OAS3: variants seen among roughly 807,000 people sequenced by gnomAD.
OAS3 encodes the protein 2'-5'-oligoadenylate synthetase 3.
In OAS3, 107 loss-of-function variants were observed where a neutral mutation model predicts 113.0. That is an observed-to-expected ratio of 0.95 (90% CI 0.81 to 1.11). The LOEUF (loss-of-function observed/expected upper bound fraction) is 1.11. Ranked by LOEUF, OAS3 falls within the 50% of genes most tolerant of loss-of-function variation. OAS3 has a pLI of 0.00. For synonymous variants in OAS3, 552 were observed against 573.6 expected, an observed-to-expected ratio of 0.96 and a Z score of 0.54; for missense variants, 1,258 against 1,389.1, an observed-to-expected ratio of 0.91 and a Z score of 1.50.
chr12:112,963,486 G>T lies in OAS3; in HGVS notation c.2229+29G>T. ...AGATGGAGGGTCCTGGGGGGCAGGG[G>T]GCCCTGCACCCTGCCTTCTAGTCAG... On this transcript the variant is annotated intron_variant, in intron 10 of 15. Coordinates refer to ENST00000228928, the MANE Select transcript of OAS3 (RefSeq NM_006187.4). The surrounding 1 kb of genome is among the most constrained non-coding windows in gnomAD (Gnocchi z 4.6). 1.4e-6 allele frequency: 2 copies of T among 1,466,724 alleles called. No individual in the cohort carries two copies. Among genetic ancestry groups the T allele is most frequent in the Non-Finnish European group, 1.8e-6 (2 of 1,101,620 alleles). The allele number at this position is 1,466,724 out of a possible 1,614,324, so 90.9% of individuals were successfully genotyped here.
chr12:112,945,181 A>G (rs1014667084), intron 3 of OAS3: 6 of 185,092 alleles, frequency 3.2e-5, no homozygotes, highest in Admixed American at 2.2e-4. Flanking sequence ...GCGTGGTGGT[A>G]CACACCTGTA....
chr12:112,948,122 C>A, intron 5 of OAS3, 23 bp downstream of exon 5: 2 of 1,493,322 alleles, frequency 1.3e-6, no homozygotes, highest in Non-Finnish European at 8.9e-7. Context: ...GCCCCAGGAC[C>A]CTTGGGTTTT....
Position 112,946,868 on chromosome 12 carries a change from T to C in OAS3, c.762T>C (p.Thr254=), listed in dbSNP as rs753962869. The change falls in exon 4 of 16, where the codon ACT becomes ACC. Residue 254 remains threonine, a synonymous_variant. Transcript: ENST00000228928. ...TCAGCCTAGCCGAAGGCCTCCGAAC[T>C]GTCCTGGGCCTGATCCAACAGCATC... ...DAFSLAEGLR[T]VLGLIQQHQH... is the part of the protein sequence containing the mutation. 103 of 1,614,064 alleles carry C rather than the reference T, an allele frequency of 6.4e-5. 2 individuals are homozygous for C. In the South Asian group the frequency reaches 7.1e-4, roughly 11 times the overall value.
intron 2 of OAS3, 73 bp from the exon 3 acceptor site, chr12:112,944,403 G>A (rs1026423751): frequency 3.2e-6 from 5 of 1,550,894 alleles, no homozygotes; most frequent in Non-Finnish European, 4.4e-6. Context: ...CCCAGGCTGA[G>A]CTCGGCACCA....
intron 7 of OAS3, among the ~76,000 whole-genome samples, chr12:112,959,795 CTTAAT>C (rs1188987696): frequency 6.6e-6 from 1 of 152,058 alleles, no homozygotes; most frequent in Non-Finnish European, 1.5e-5. Context: ...GCTGCTTATC[CTTAAT>C]TTTTTAAAAT....
At position 112,948,960 on chromosome 12, in the gene OAS3, C is replaced by A. The variant is rs189345052; in HGVS notation, c.1129C>A (p.Pro377Thr). The A allele has an allele frequency of 8.8e-5, 142 of 1,613,760 alleles. 1 individual carries two copies. In the Admixed American group the frequency reaches 9.5e-4, roughly 11 times the overall value. The change falls in exon 6 of 16, where the codon CCA (proline) becomes ACA (threonine). Residue 377 changes from proline to threonine, a missense_variant. By Grantham distance (38) the Pro-to-Thr change is conservative (BLOSUM62 -1). Coordinates refer to ENST00000228928, the MANE Select transcript of OAS3 (RefSeq NM_006187.4). ...CAGCAAGAGCCTCAATGCTGTGTAC[C>A]CAAGAGCAGGGAGCAAACCTCCCTC... is the stretch of plus-strand genomic sequence containing the variant. ...ENSKSLNAVY[P>T]RAGSKPPSCP...
chr12:112,968,770 C>T (rs1462951465), intron 14 of OAS3, among the ~76,000 whole-genome samples: 2 of 152,202 alleles, frequency 1.3e-5, no homozygotes, highest in Non-Finnish European at 2.9e-5. Context: ...CTGCCTAGGC[C>T]TCCCAAAGTG....
chr12:112,961,921 T>C lies in OAS3; in HGVS notation c.1833+675T>C, dbSNP rs528400844. 4.6e-5 allele frequency among the ~76,000 whole-genome samples: 7 copies of C among 152,162 alleles called. 1 individual carries two copies. Among genetic ancestry groups the C allele is most frequent in the African/African-American group, 1.7e-4 (7 of 41,516 alleles). The stretch of plus-strand genomic sequence containing the variant: ...AGTAGTCCTCCTGCCTCAGCCCCCG[T>C]AGTAGCTAAGACTACAGGCATGCAC... On this transcript the variant is annotated intron_variant, in intron 8 of 15. Coordinates refer to ENST00000228928, the MANE Select transcript of OAS3 (RefSeq NM_006187.4).
chr12:112,967,932 C>G lies in OAS3; in HGVS notation c.2866-4C>G, dbSNP rs377552853. On this transcript the variant is annotated splice_polypyrimidine_tract_variant and splice_region_variant and intron_variant, in intron 13 of 15. Coordinates refer to ENST00000228928, the MANE Select transcript of OAS3 (RefSeq NM_006187.4). ...ACCAACATATCTTTCTTCTCGTTCTCCAGTGTACCAAGATCTCCAAGGGGA... is the reference window on the plus strand; with the variant it reads ...ACCAACATATCTTTCTTCTCGTTCTGCAGTGTACCAAGATCTCCAAGGGGA... 7.4e-6 allele frequency: 12 copies of G among 1,612,354 alleles called. No individual in the cohort carries two copies. The African/African-American group carries it at 1.2e-4, about 16-fold the overall frequency.
Position 112,963,641 on chromosome 12 carries a change from C to T in OAS3, c.2229+184C>T, listed in dbSNP as rs546938133. Among the ~76,000 whole-genome samples the T allele has an allele frequency of 3.9e-5, 6 of 152,302 alleles. No individual in the cohort carries two copies. The East Asian group carries it at 9.6e-4, about 24-fold the overall frequency. ...CAGATTGCTACGTCCCAGCCAGTGC[C>T]TGAGTGACACAGGGTTACAAAAAGC... On this transcript the variant is annotated intron_variant, in intron 10 of 15. Coordinates refer to ENST00000228928, the MANE Select transcript of OAS3 (RefSeq NM_006187.4). This position sits in a 1 kb window ranked among gnomAD's most constrained non-coding sequence, Gnocchi z 4.6.
At position 112,954,547 on chromosome 12, in the gene OAS3, C is replaced by T. The variant is rs1462482889; in HGVS notation, c.1657+3572C>T. Among the ~76,000 whole-genome samples, 9 of 152,202 alleles carry T rather than the reference C, an allele frequency of 5.9e-5. No homozygotes were observed. The highest frequency in any genetic ancestry group is 1.2e-4 in the Non-Finnish European group (8 of 68,028). Reference sequence around the variant, plus strand: ...TCCCGACCTCGTGATCCACCCACCTCGGCCTCCCAAAGTGCTGGGATTACA... The same window carrying T: ...TCCCGACCTCGTGATCCACCCACCTTGGCCTCCCAAAGTGCTGGGATTACA... On this transcript the variant is annotated intron_variant, in intron 7 of 15. Transcript: ENST00000228928. The surrounding 1 kb of genome is among the most constrained non-coding windows in gnomAD (Gnocchi z 4.0).
intron 5 of OAS3, among the ~76,000 whole-genome samples, chr12:112,948,442 G>A (rs1447184385): frequency 2.8e-5 from 4 of 140,824 alleles, no homozygotes; most frequent in Non-Finnish European, 4.5e-5. Flanking sequence ...GGCGGAGGTT[G>A]CAATGAGCTG....
intron 7 of OAS3, among the ~76,000 whole-genome samples, chr12:112,951,717 C>T (rs2043793996): frequency 4.0e-5 from 6 of 151,880 alleles, no homozygotes; most frequent in Admixed American, 3.9e-4. Context: ...TGCTTTCCAT[C>T]CAGGCATGGT....
chr12:112,966,580 C>T (rs191921594), intron 12 of OAS3, among the ~76,000 whole-genome samples: 461 of 152,302 alleles, frequency 3.0e-3, no homozygotes, highest in African/African-American at 0.011. Context: ...GAGAAATTCC[C>T]TTGTATCCGA....
intron 11 of OAS3, among the ~76,000 whole-genome samples, chr12:112,964,620 A>G: frequency 6.6e-6 from 1 of 151,802 alleles, no homozygotes. Context: ...CACCTAACTC[A>G]AAAGACACAA....
chr12:112,939,671 C>T (rs2043662119), intron 1 of OAS3, among the ~76,000 whole-genome samples: 1 of 152,022 alleles, frequency 6.6e-6, no homozygotes. Context: ...GCCCAGGCTC[C>T]GGGTCACTTT....
rs1042104199 is a variant in OAS3, at chr12:112,954,478, G to A, written c.1657+3503G>A. On this transcript the variant is annotated intron_variant, in intron 7 of 15. Coordinates refer to ENST00000228928, the MANE Select transcript of OAS3 (RefSeq NM_006187.4). The surrounding 1 kb of genome is among the most constrained non-coding windows in gnomAD (Gnocchi z 4.0). ...GCTAATTTTTTTGTATTTTTTAGTA[G>A]AGACAGACAGGGTTTCACCATGTTA... is the stretch of plus-strand genomic sequence containing the variant. 2.0e-5 allele frequency among the ~76,000 whole-genome samples: 3 copies of A among 152,082 alleles called. No homozygotes were observed. The highest frequency in any genetic ancestry group is 7.2e-5 in the African/African-American group (3 of 41,422).
At chr12:112,946,547 C>G (rs920201099) in intron 3 of OAS3, among the ~76,000 whole-genome samples, 196 bp from the exon 4 acceptor site, 1 of 152,180 alleles carries the variant, frequency 6.6e-6, no homozygotes, top group Non-Finnish European at 1.5e-5. Flanking sequence ...ACCACTCCCC[C>G]ATCATATGAG....
chr12:112,944,857 C>T (rs1454883136), intron 3 of OAS3: 4 of 595,534 alleles, frequency 6.7e-6, no homozygotes, highest in East Asian at 2.9e-5. Context: ...GGATACTGAT[C>T]CTTATTTAGT....
Sources: allele counts gnomAD v4.1 joint callset (sites outside exome capture counted in the v4.1 genomes callset), GRCh38; gene constraint gnomAD v4.1.1; non-coding constraint Gnocchi (gnomAD v3.1); transcripts MANE v1.5; gene names NCBI Gene and HGNC (gene_info 2026-07-23, HGNC 2026-07-21).